Variants in TLK2 observed in about 807,000 individuals in gnomAD.
TLK2 encodes the protein serine/threonine-protein kinase tousled-like 2.
TLK2 carries 6 observed loss-of-function variants against 117.3 expected under a neutral mutation model. That is an observed-to-expected ratio of 0.05 (90% CI 0.03 to 0.10). TLK2 has a LOEUF of 0.10. Among genes scored for constraint, TLK2 ranks in the 10% least tolerant of loss-of-function variants. TLK2 has a pLI of 1.00. For missense variants in TLK2, 299 were observed against 901.2 expected (o/e 0.33, Z 8.56); for synonymous variants, 257 against 316.7 (o/e 0.81, Z 2.00).
chr17:62,522,668 G>A (rs1206574795), intron 4 of TLK2, among the ~76,000 whole-genome samples: 2 of 152,096 alleles, frequency 1.3e-5, no homozygotes, highest in African/African-American at 2.4e-5. Flanking sequence ...CTGTTCTTCC[G>A]TGGCAGTTGT....
chr17:62,539,838 T>C (rs555087999), intron 7 of TLK2, among the ~76,000 whole-genome samples: 1 of 152,154 alleles, frequency 6.6e-6, no homozygotes, highest in Non-Finnish European at 1.5e-5. Flanking sequence ...TTACTAAAAT[T>C]TAACTCCTAT....
rs879159414 is a variant in TLK2 at position 62,485,816 on chromosome 17, GTTTTTTTTTT to G, written c.81+4623_81+4632del. Among the ~76,000 whole-genome samples, 5 of 122,562 alleles carry G rather than the reference GTTTTTTTTTT, an allele frequency of 4.1e-5. No homozygotes were observed. In the South Asian group the frequency reaches 1.2e-3, roughly 28 times the overall value. The allele number at this position is 122,562 out of a possible 152,430, so 80.4% of individuals were successfully genotyped here. A position where few individuals can be genotyped will look rare whatever the true frequency, so the allele number is the denominator to read the frequency against. ...GGGTTGTGAACCTAGTAATTTTCTG[GTTTTTTTTTT>G]TTTTTTTTTTTTGAGACGGAATCTC... is the stretch of plus-strand genomic sequence containing the variant. On this transcript the variant is annotated intron_variant, in intron 2 of 21. Transcript: ENST00000346027.
chr17:62,503,518 G>C (rs2074399085), intron 2 of TLK2, among the ~76,000 whole-genome samples: 1 of 151,112 alleles, frequency 6.6e-6, no homozygotes, highest in South Asian at 2.1e-4. Context: ...CCCGGGTTCA[G>C]GTGATTCTCA....
chr17:62,555,313 T>G (rs1352466840), intron 9 of TLK2, among the ~76,000 whole-genome samples: 3 of 152,132 alleles, frequency 2.0e-5, no homozygotes, highest in African/African-American at 7.2e-5. Context: ...GTACTCATGA[T>G]GATCTGACTT....
intron 2 of TLK2, among the ~76,000 whole-genome samples, chr17:62,509,107 G>T (rs1377676103): frequency 6.6e-6 from 1 of 151,614 alleles, no homozygotes; most frequent in African/African-American, 2.4e-5. Flanking sequence ...TTTATTTTTC[G>T]AGACAGGGTC....
intron 17 of TLK2, among the ~76,000 whole-genome samples, chr17:62,598,977 G>T (rs140185563): frequency 6.6e-6 from 1 of 151,252 alleles, no homozygotes; most frequent in Non-Finnish European, 1.5e-5. Flanking sequence ...ATGGAGTCTT[G>T]CTCTGTTGCC....
Position 62,481,146 on chromosome 17 carries a change from C to T in TLK2, c.21C>T (p.Ser7=). The change falls in exon 2 of 22, where the codon AGC becomes AGT. Residue 7 remains serine, a synonymous_variant. Coordinates refer to ENST00000346027, the MANE Select transcript of TLK2 (RefSeq NM_006852.6). ...CAGAAATGATGGAAGAATTGCATAG[C>T]CTGGACCCACGACGGCAGGAATTAT... MMEELH[S]LDPRRQELLE... 6.2e-7 allele frequency: 1 copy of T among 1,613,858 alleles called. No individual in the cohort carries two copies. Among genetic ancestry groups the T allele is most frequent in the African/African-American group, 1.3e-5 (1 of 75,020 alleles).
chr17:62,545,179 A>G (rs1370738845), intron 7 of TLK2, among the ~76,000 whole-genome samples: 1 of 152,116 alleles, frequency 6.6e-6, no homozygotes, highest in Non-Finnish European at 1.5e-5. Flanking sequence ...GGTGCCTGCC[A>G]CTATGCCCAA....
intron 17 of TLK2, 82 bp downstream of exon 17, chr17:62,596,756 G>A (rs1195639492): frequency 1.2e-5 from 14 of 1,212,994 alleles, no homozygotes; most frequent in African/African-American, 7.5e-5. Context: ...CTGAACTCTG[G>A]GTCCAGGACA....
intron 2 of TLK2, among the ~76,000 whole-genome samples, chr17:62,484,603 A>T (rs1160431149): frequency 6.6e-6 from 1 of 151,834 alleles, no homozygotes; most frequent in African/African-American, 2.4e-5. Flanking sequence ...CAGCCTTTGT[A>T]TTACTTCTTT....
chr17:62,606,056 A>T (rs2147252518), intron 19 of TLK2, 74 bp from the exon 20 acceptor site: 3 of 453,334 alleles, frequency 6.6e-6, no homozygotes, highest in Non-Finnish European at 1.1e-5. Flanking sequence ...AAGATATTTT[A>T]TTTTGTCTTT....
chr17:62,486,951 A>G (rs889202983), intron 2 of TLK2, among the ~76,000 whole-genome samples: 1 of 152,184 alleles, frequency 6.6e-6, no homozygotes. Flanking sequence ...AATAACTTAC[A>G]CTTGTGTTGT....
At chr17:62,471,779 T>G (rs2070943958) in intron 1 of TLK2, among the ~76,000 whole-genome samples, 1 of 151,668 alleles carries the variant, frequency 6.6e-6, no homozygotes, top group Non-Finnish European at 1.5e-5. Flanking sequence ...CCTGGCCTTT[T>G]GGCAGTTCTT....
chr17:62,478,016 G>A (rs1208954941), upstream of TLK2: 9 of 152,162 alleles, frequency 5.9e-5, no homozygotes, highest in Admixed American at 5.9e-4. Flanking sequence ...CAGCATCCCC[G>A]CGGGGGCGGG....
chr17:62,538,916 G>T (rs574681048), intron 7 of TLK2, among the ~76,000 whole-genome samples: 1 of 152,258 alleles, frequency 6.6e-6, no homozygotes, highest in East Asian at 1.9e-4. Flanking sequence ...AGAAAAGTAG[G>T]CAAAGACTGT....
chr17:62,533,367 GGTGTGTGTGTGT>G (rs369887924), intron 6 of TLK2, among the ~76,000 whole-genome samples: 1 of 111,120 alleles, frequency 9.0e-6, no homozygotes. Flanking sequence ...TCCTATACGG[GGTGTGTGTGTGT>G]GTGTGTGTGT....
intron 10 of TLK2, 112 bp downstream of exon 10, chr17:62,560,238 A>C (rs1455252534): frequency 5.0e-6 from 4 of 795,572 alleles, no homozygotes; most frequent in African/African-American, 1.8e-5. Flanking sequence ...AGAGCTTTTT[A>C]GGAACATGAT....
At chr17:62,605,997 C>T (rs560540123) in intron 19 of TLK2, 133 bp from the exon 20 acceptor site, 3 of 394,552 alleles carry the variant, frequency 7.6e-6, no homozygotes, top group East Asian at 3.9e-5. Flanking sequence ...CAGAGCAAGA[C>T]CCTGTCTCCA....
intron 15 of TLK2, 96 bp from the exon 16 acceptor site, chr17:62,586,039 G>T: frequency 1.2e-6 from 1 of 857,354 alleles, no homozygotes; most frequent in South Asian, 1.8e-5. Context: ...ATGTATTTTG[G>T]ACTTTGATTA....
Sources: allele counts gnomAD v4.1 joint callset (sites outside exome capture counted in the v4.1 genomes callset), GRCh38; gene constraint gnomAD v4.1.1; transcripts MANE v1.5; gene names NCBI Gene and HGNC (gene_info 2026-07-23, HGNC 2026-07-21).